Variants in DISC1 observed in about 807,000 individuals in gnomAD.
The protein encoded by DISC1 is DISC1 scaffold protein, also known as disrupted in schizophrenia 1 protein.
A neutral mutation model predicts 84.5 loss-of-function variants in DISC1; 57 were observed. The observed-to-expected ratio is 0.67, with a 90% CI of 0.55 to 0.84. The LOEUF (loss-of-function observed/expected upper bound fraction) is 0.84, where lower values mean the gene tolerates loss of function less well. Among genes scored for constraint, DISC1 ranks in the 40% least tolerant of loss-of-function variants. The pLI, the probability that DISC1 is intolerant of heterozygous loss-of-function variation, is 0.00. For missense variants in DISC1, 1,000 were observed against 1,057.8 expected (o/e 0.95, Z 0.76); for synonymous variants, 411 against 415.2 (o/e 0.99, Z 0.12).
intron 10 of DISC1, among the ~76,000 whole-genome samples, chr1:232,000,501 A>G (rs1330731845): frequency 6.6e-6 from 1 of 152,192 alleles, no homozygotes; most frequent in Admixed American, 6.5e-5. Context: ...CTAAAAGGAG[A>G]AAAGGAGAGT....
At chr1:231,742,617 A>T (rs1374583452) in intron 3 of DISC1, among the ~76,000 whole-genome samples, 1 of 152,122 alleles carries the variant, frequency 6.6e-6, no homozygotes, top group Admixed American at 6.5e-5. Flanking sequence ...TGAAAAAAAA[A>T]ATTTAAAAAG....
At chr1:231,693,408 A>G (rs933344077) in intron 1 of DISC1, among the ~76,000 whole-genome samples, 18 of 152,194 alleles carry the variant, frequency 1.2e-4, no homozygotes, top group African/African-American at 4.3e-4. Context: ...AAATAGTTGG[A>G]TCTCATTTAG....
At chr1:231,944,412 G>A (rs1285929669) in intron 9 of DISC1, among the ~76,000 whole-genome samples, 1 of 152,164 alleles carries the variant, frequency 6.6e-6, no homozygotes, top group Non-Finnish European at 1.5e-5. Flanking sequence ...CAATGCAGAG[G>A]CATAAAAGCC....
intron 8 of DISC1, among the ~76,000 whole-genome samples, chr1:231,815,687 G>A (rs1483595226): frequency 6.7e-6 from 1 of 149,494 alleles, no homozygotes; most frequent in African/African-American, 2.5e-5. Context: ...GCAGTGAGCT[G>A]AGATCGTACC....
At chr1:231,851,128 C>T (rs1385046260) in intron 9 of DISC1, among the ~76,000 whole-genome samples, 4 of 152,212 alleles carry the variant, frequency 2.6e-5, no homozygotes, top group South Asian at 2.1e-4. Context: ...TGTACATTCT[C>T]ATCCATATGT....
intron 9 of DISC1, among the ~76,000 whole-genome samples, chr1:231,931,794 G>A (rs143746247): frequency 2.1e-4 from 32 of 152,072 alleles, no homozygotes; most frequent in African/African-American, 6.5e-4. Context: ...GACCAGAGGC[G>A]TGTGCTACCA....
intron 3 of DISC1, among the ~76,000 whole-genome samples, chr1:231,704,584 A>G (rs56162029): frequency 0.3 from 45,193 of 151,452 alleles, 7,089 homozygotes; most frequent in East Asian, 0.37. Flanking sequence ...GTGAAACCCC[A>G]TCTCTACTAA....
intron 11 of DISC1, among the ~76,000 whole-genome samples, chr1:232,019,237 AAG>A (rs1668736778): frequency 6.6e-6 from 1 of 152,168 alleles, no homozygotes. Context: ...GAGTTTTGAA[AAG>A]AGGGGGTGTT....
chr1:231,731,623 T>C (rs1239240938), intron 3 of DISC1, among the ~76,000 whole-genome samples: 1 of 152,200 alleles, frequency 6.6e-6, no homozygotes, highest in Non-Finnish European at 1.5e-5. Flanking sequence ...TATTAATATA[T>C]CAAGGTTATG....
chr1:231,876,913 AG>A, intron 9 of DISC1, among the ~76,000 whole-genome samples: 1 of 152,304 alleles, frequency 6.6e-6, no homozygotes, highest in South Asian at 2.1e-4. Context: ...GGTAATGGGC[AG>A]GGTGTGTACA....
At chr1:231,940,062 A>G (rs1396895487) in intron 9 of DISC1, among the ~76,000 whole-genome samples, 1 of 151,690 alleles carries the variant, frequency 6.6e-6, no homozygotes, top group Non-Finnish European at 1.5e-5. Flanking sequence ...TATTCTTAAT[A>G]TTTTAACTCA....
intron 7 of DISC1, among the ~76,000 whole-genome samples, chr1:231,799,829 C>A (rs548043711): frequency 1.6e-5 from 2 of 125,100 alleles, no homozygotes; most frequent in South Asian, 2.9e-4. Context: ...CATTTCCCTC[C>A]CTCTTTCCCT....
intron 9 of DISC1, among the ~76,000 whole-genome samples, chr1:231,863,549 A>G (rs1198544299): frequency 6.6e-6 from 1 of 152,172 alleles, no homozygotes; most frequent in Non-Finnish European, 1.5e-5. Context: ...TCTTTTAACA[A>G]AAGCATAGCT....
intron 3 of DISC1, among the ~76,000 whole-genome samples, chr1:231,703,113 C>T (rs146435400): frequency 3.9e-5 from 6 of 152,286 alleles, no homozygotes; most frequent in Non-Finnish European, 8.8e-5. Flanking sequence ...GGTAGAAAAT[C>T]CTGTTCTAGG....
Position 231,694,007 on chromosome 1 carries a change from C to T in DISC1, c.249C>T (p.Ala83=). 3 of 1,614,118 alleles carry T rather than the reference C, an allele frequency of 1.9e-6. No individual in the cohort carries two copies. Among genetic ancestry groups the T allele is most frequent in the Non-Finnish European group, 2.5e-6 (3 of 1,179,982 alleles). Residue 83 remains alanine (A), a synonymous_variant, in exon 2 of 13, where the codon GCC becomes GCT. Coordinates refer to ENST00000439617, the MANE Select transcript of DISC1 (RefSeq NM_018662.3). The part of the protein sequence containing the change: ...GEESHHSESR[A]RQCGLDSRGL... ...AGTCCCACCACTCGGAGTCCAGGGC[C>T]AGACAGTGTGGCCTTGACTCGAGAG...
chr1:231,746,427 CTT>C (rs1337403272), intron 3 of DISC1, among the ~76,000 whole-genome samples: 1 of 149,530 alleles, frequency 6.7e-6, no homozygotes, highest in East Asian at 2.0e-4. Flanking sequence ...GTAGATGTCT[CTT>C]TGAGATGCTG....
rs773369045 is a variant in DISC1, at chr1:231,626,919, G to T, written c.52G>T (p.Val18Leu). 2.0e-6 allele frequency: 3 copies of T among 1,505,026 alleles called. No individual in the cohort carries two copies. The highest frequency in any genetic ancestry group is 1.8e-6 in the Non-Finnish European group (2 of 1,134,650). The allele number at this position is 1,505,026 out of a possible 1,614,324, so 93.2% of individuals were successfully genotyped here. Residue 18 changes from valine (V) to leucine (L), a missense_variant, in exon 1 of 13, where the codon GTG becomes TTG. Physicochemically the swap from Val to Leu is conservative, Grantham distance 32. Coordinates refer to ENST00000439617, the MANE Select transcript of DISC1 (RefSeq NM_018662.3). ...CCCAGCCGCCGCCGGCGGCGGCGGC[G>T]TGAGCCACCGCGCAGGTAGGGGAGC... Reference protein sequence around the residue: ...GAPAAAGGGGVSHRAGSRDCL... With the variant: ...GAPAAAGGGGLSHRAGSRDCL...
intron 1 of DISC1, among the ~76,000 whole-genome samples, chr1:231,652,095 C>T (rs185404893): frequency 1.3e-5 from 2 of 152,270 alleles, no homozygotes; most frequent in African/African-American, 4.8e-5. Context: ...GTGGGCTGCA[C>T]CCACTCTCCA....
rs1046729840 is a variant in DISC1 at position 231,675,435 on chromosome 1, T to C, written c.68-18391T>C. On this transcript the variant is annotated intron_variant, in intron 1 of 12. Coordinates refer to ENST00000439617, the MANE Select transcript of DISC1 (RefSeq NM_018662.3). The surrounding 1 kb of genome is among the most constrained non-coding windows in gnomAD (Gnocchi z 4.1). ...AGATCTAAGCAGGAAGGAGGATCTA[T>C]TGTGAACCGGTTGGAAGTTGATTTT... Among the ~76,000 whole-genome samples, 3 of 152,188 alleles carry C rather than the reference T, an allele frequency of 2.0e-5. No homozygotes were observed. The highest frequency in any genetic ancestry group is 4.8e-5 in the African/African-American group (2 of 41,456).
Sources: gnomAD v4.1 joint callset for allele counts (sites outside exome capture counted in the v4.1 genomes callset) on GRCh38, gnomAD v4.1.1 for gene constraint, Gnocchi (gnomAD v3.1) non-coding constraint, MANE v1.5 for transcripts, NCBI Gene and HGNC (gene_info 2026-07-23, HGNC 2026-07-21) for gene names.